The following PAQR8 variants were observed in gnomAD, a reference collection of about 807,000 sequenced individuals.
PAQR8 encodes progestin and adipoQ receptor family member 8, also known as membrane progestin receptor beta.
In PAQR8, 17 loss-of-function variants were observed where a neutral mutation model predicts 25.2. The ratio of observed to expected loss-of-function variants is 0.67; its 90% CI spans 0.46 to 1.01. PAQR8 has a LOEUF of 1.01. Ranked by LOEUF, PAQR8 falls within the 50% of genes least tolerant of loss-of-function variation. The pLI, the probability that PAQR8 is intolerant of heterozygous loss-of-function variation, is 0.00. For missense variants in PAQR8, 392 were observed against 448.4 expected, an observed-to-expected ratio of 0.87 and a Z score of 1.14; for synonymous variants, 204 against 190.6, an observed-to-expected ratio of 1.07 and a Z score of -0.58.
Position 52,372,735 on chromosome 6 carries a change from TATATATATATATATATGG to T in PAQR8, c.-53+10503_-53+10520del, listed in dbSNP as rs1265931603. Among the ~76,000 whole-genome samples the T allele has an allele frequency of 1.3e-3, 13 of 9,870 alleles. No individual in the cohort carries two copies. The South Asian group carries it at 0.018, about 13-fold the overall frequency. The allele number at this position is 9,870 out of a possible 152,430, so 6.5% of individuals were successfully genotyped here. On this transcript the variant is annotated intron_variant, in intron 1 of 1. Transcript: ENST00000442253. ...AATTATTAGCTCATGGCCAACTCCA[TATATATATATATATATGG>T]ATATATATATATATATCTTCAGATT...
Position 52,404,535 on chromosome 6 carries a change from TTGAATTAAGG to T in PAQR8, c.*258_*267del, listed in dbSNP as rs1464089523. The T allele has an allele frequency of 2.6e-6, 1 of 380,268 alleles. No individual in the cohort carries two copies. Among genetic ancestry groups the T allele is most frequent in the African/African-American group, 2.0e-5 (1 of 49,152 alleles). The allele number at this position is 380,268 out of a possible 1,614,324, so 23.6% of individuals were successfully genotyped here. On this transcript the variant is annotated 3_prime_UTR_variant, in exon 2 of 2. Transcript: ENST00000442253. Reference sequence around the variant, plus strand: ...GATCTTGACTAAGATTCATGAGACATTGAATTAAGGAGAATCATCTTCATGCCTGAAAATT... The same window carrying T: ...GATCTTGACTAAGATTCATGAGACATAGAATCATCTTCATGCCTGAAAATT...
At chr6:52,398,568 T>TG (rs59168331) in intron 1 of PAQR8, among the ~76,000 whole-genome samples, 1 of 148,630 alleles carries the variant, frequency 6.7e-6, no homozygotes, top group Admixed American at 6.8e-5. Flanking sequence ...TTGTTGTTGT[T>TG]TTTGAGATGA....
In PAQR8 at chr6:52,396,915, G is replaced by A. The variant is rs556963644; in HGVS notation, c.-52-6247G>A. Among the ~76,000 whole-genome samples the A allele has an allele frequency of 1.5e-3, 231 of 152,272 alleles. 1 individual carries two copies. The highest frequency in any genetic ancestry group is 5.4e-3 in the African/African-American group (226 of 41,546). ...TCAAACCTCAGAAAAGATCTGGTTG[G>A]AGGCAAATTTGGAAATCAGCGGATA... On this transcript the variant is annotated intron_variant, in intron 1 of 1. Coordinates refer to ENST00000442253, the MANE Select transcript of PAQR8 (RefSeq NM_133367.5).
chr6:52,371,244 A>G (rs1763416240), intron 1 of PAQR8, among the ~76,000 whole-genome samples: 2 of 152,320 alleles, frequency 1.3e-5, no homozygotes, highest in South Asian at 4.1e-4. Flanking sequence ...GAGAAGCCAA[A>G]GACCACTGAA....
At chr6:52,369,562 C>G (rs148621270) in intron 1 of PAQR8, among the ~76,000 whole-genome samples, 1 of 152,250 alleles carries the variant, frequency 6.6e-6, no homozygotes, top group East Asian at 1.9e-4. Context: ...AGTCAGGAAA[C>G]TGGAGGTGAG....
Position 52,362,900 on chromosome 6 carries a change from A to T in PAQR8, c.-53+651A>T, listed in dbSNP as rs1763307742. ...CTTCTCTGAGAGGGTGGGCGCGAGG[A>T]GCGGAGTTGTGATGGGAACCGCCGG... On this transcript the variant is annotated intron_variant, in intron 1 of 1. Coordinates refer to ENST00000442253, the MANE Select transcript of PAQR8 (RefSeq NM_133367.5). This position sits in a 1 kb window ranked among gnomAD's most constrained non-coding sequence, Gnocchi z 4.1. 6.6e-6 allele frequency among the ~76,000 whole-genome samples: 1 copy of T among 151,748 alleles called. No homozygotes were observed. Among genetic ancestry groups the T allele is most frequent in the Non-Finnish European group, 1.5e-5 (1 of 67,966 alleles).
chr6:52,363,874 C>CTTTGTT (rs10624831), intron 1 of PAQR8, among the ~76,000 whole-genome samples: 130,424 of 150,798 alleles, frequency 0.86, 56,529 homozygotes, highest in Middle Eastern at 0.89. Flanking sequence ...CAAGGCATGG[C>CTTTGTT]TTTGTTTTTG....
chr6:52,369,909 TACTC>T (rs994833171), intron 1 of PAQR8, among the ~76,000 whole-genome samples: 11 of 152,218 alleles, frequency 7.2e-5, no homozygotes, highest in African/African-American at 2.7e-4. Flanking sequence ...CATGGGCTAA[TACTC>T]AATTGCCTGC....
intron 1 of PAQR8, among the ~76,000 whole-genome samples, chr6:52,399,856 G>A (rs2113951206): frequency 6.6e-6 from 1 of 152,290 alleles, no homozygotes; most frequent in African/African-American, 2.4e-5. Context: ...GTTGCTAACA[G>A]CAACAGGGCA....
chr6:52,364,083 G>GTTGTTTTTT (rs1763322358), intron 1 of PAQR8, among the ~76,000 whole-genome samples: 2 of 84,284 alleles, frequency 2.4e-5, no homozygotes, highest in East Asian at 3.3e-4. Context: ...TGAAAGATAT[G>GTTGTTTTTT]TTTTTTTTTT....
chr6:52,383,521 C>T (rs971593151), intron 1 of PAQR8, among the ~76,000 whole-genome samples: 3 of 151,692 alleles, frequency 2.0e-5, no homozygotes, highest in Non-Finnish European at 2.9e-5. Context: ...ATTAGCCGGG[C>T]GTGGTGGCGG....
rs3180067 is a variant in PAQR8, at chr6:52,404,749, A to G, written c.*471A>G. The G allele has an allele frequency of 0.092, 15,975 of 173,746 alleles. 1,301 individuals are homozygous for G. Among genetic ancestry groups the G allele is most frequent in the Admixed American group, 0.26 (4,443 of 16,936 alleles). The allele number at this position is 173,746 out of a possible 1,614,324, so 10.8% of individuals were successfully genotyped here. ...GGACCGAATTTCATTTGGATTTCAA[A>G]TTGTCCAGAGTGGAAAAGCCTTCAA... On this transcript the variant is annotated 3_prime_UTR_variant, in exon 2 of 2. Coordinates refer to ENST00000442253, the MANE Select transcript of PAQR8 (RefSeq NM_133367.5).
chr6:52,368,001 G>T (rs545267681), intron 1 of PAQR8, among the ~76,000 whole-genome samples: 1 of 152,230 alleles, frequency 6.6e-6, no homozygotes, highest in East Asian at 1.9e-4. Context: ...AGCTGAGATG[G>T]GAAGATCGCT....
rs1763308665 is a variant in PAQR8, at chr6:52,362,977, TG to T, written c.-53+732del. Among the ~76,000 whole-genome samples the T allele has an allele frequency of 2.0e-5, 3 of 151,058 alleles. No homozygotes were observed. The highest frequency in any genetic ancestry group is 2.1e-4 in the South Asian group (1 of 4,718). On this transcript the variant is annotated intron_variant, in intron 1 of 1. Coordinates refer to ENST00000442253, the MANE Select transcript of PAQR8 (RefSeq NM_133367.5). The surrounding 1 kb of genome is among the most constrained non-coding windows in gnomAD (Gnocchi z 4.1). ...GCTTGGCTGGATGGGAACGCCGCGG[TG>T]GGGTGTCGGAGGTGGCTGGTGGGGC...
At chr6:52,391,435 T>C (rs1278433130) in intron 1 of PAQR8, among the ~76,000 whole-genome samples, 2 of 152,258 alleles carry the variant, frequency 1.3e-5, no homozygotes, top group Non-Finnish European at 2.9e-5. Context: ...TTTTGTTAAA[T>C]ATAGGGAGGA....
chr6:52,394,054 C>G (rs760168639), intron 1 of PAQR8, among the ~76,000 whole-genome samples: 32 of 152,116 alleles, frequency 2.1e-4, no homozygotes, highest in Non-Finnish European at 4.3e-4. Flanking sequence ...GGTAGGGGAC[C>G]AGGAAGGCCT....
chr6:52,388,639 G>A (rs183577101), intron 1 of PAQR8, among the ~76,000 whole-genome samples: 9 of 152,328 alleles, frequency 5.9e-5, no homozygotes, highest in African/African-American at 2.2e-4. Context: ...CCAGAAGTGG[G>A]CCCTCACTGG....
chr6:52,386,592 T>A (rs2113944028), intron 1 of PAQR8, among the ~76,000 whole-genome samples: 1 of 152,316 alleles, frequency 6.6e-6, no homozygotes, highest in African/African-American at 2.4e-5. Flanking sequence ...TACCACATGT[T>A]TTTACTTATA....
intron 1 of PAQR8, 137 bp from the exon 2 acceptor site, chr6:52,403,025 C>T: frequency 3.4e-6 from 2 of 591,424 alleles, no homozygotes. Flanking sequence ...GAGCTGTGAT[C>T]GTGCCACTGC....
Sources: allele counts gnomAD v4.1 joint callset (sites outside exome capture counted in the v4.1 genomes callset), GRCh38; gene constraint gnomAD v4.1.1; non-coding constraint Gnocchi (gnomAD v3.1); transcripts MANE v1.5; gene names NCBI Gene and HGNC (gene_info 2026-07-23, HGNC 2026-07-21).